Variants in GABRG1 observed in about 807,000 individuals in gnomAD.
GABRG1 encodes the protein gamma-aminobutyric acid receptor subunit gamma-1.
In GABRG1, 49 loss-of-function variants were observed where a neutral mutation model predicts 49.8. The observed-to-expected ratio is 0.98, with a 90% CI of 0.78 to 1.25. The LOEUF (loss-of-function observed/expected upper bound fraction) is 1.25. Among genes scored for constraint, GABRG1 ranks in the 50% most tolerant of loss-of-function variants. GABRG1 has a pLI of 0.00. For synonymous variants in GABRG1, 232 were observed against 185.1 expected (o/e 1.25, Z -2.06); for missense variants, 552 against 552.3 (o/e 1.00, Z 0.01).
intron 2 of GABRG1, among the ~76,000 whole-genome samples, chr4:46,085,761 A>C (rs1719732513): frequency 6.6e-6 from 1 of 151,618 alleles, no homozygotes; most frequent in African/African-American, 2.4e-5. Context: ...AATACTAATG[A>C]GTAATATTAC....
intron 1 of GABRG1, among the ~76,000 whole-genome samples, chr4:46,119,011 T>G (rs2109447662): frequency 6.6e-6 from 1 of 151,476 alleles, no homozygotes; most frequent in East Asian, 1.9e-4. Context: ...AACATGATTA[T>G]ATATAGCATC....
chr4:46,101,278 A>T (rs757590981), intron 1 of GABRG1, among the ~76,000 whole-genome samples: 19 of 151,636 alleles, frequency 1.3e-4, no homozygotes, highest in Admixed American at 6.6e-4. Flanking sequence ...TAATTTGAAG[A>T]CATATTTTCT....
At chr4:46,112,305 A>C (rs1720741890) in intron 1 of GABRG1, among the ~76,000 whole-genome samples, 1 of 151,224 alleles carries the variant, frequency 6.6e-6, no homozygotes, top group African/African-American at 2.4e-5. Flanking sequence ...CACCAATCAG[A>C]ATGACTATTA....
intron 5 of GABRG1, among the ~76,000 whole-genome samples, chr4:46,061,874 AT>A (rs71193840): frequency 1.3e-4 from 18 of 141,570 alleles, no homozygotes; most frequent in Admixed American, 2.8e-4. Context: ...TGTTTATTTT[AT>A]TTTTTTTATT....
intron 5 of GABRG1, among the ~76,000 whole-genome samples, chr4:46,061,544 T>A (rs538530010): frequency 6.6e-6 from 1 of 152,226 alleles, no homozygotes; most frequent in Admixed American, 6.5e-5. Context: ...ATTTTTAAGA[T>A]AATTGTATGT....
At chr4:46,065,268 G>GAA (rs1718863720) in intron 4 of GABRG1, 96 bp downstream of exon 4, 1 of 752,474 alleles carries the variant, frequency 1.3e-6, no homozygotes, top group Non-Finnish European at 2.1e-6. Context: ...CCACATTTTT[G>GAA]GTTTTGCAAC....
chr4:46,113,820 G>A (rs943454824), intron 1 of GABRG1, among the ~76,000 whole-genome samples: 2 of 151,022 alleles, frequency 1.3e-5, no homozygotes, highest in Non-Finnish European at 3.0e-5. Context: ...ATAAATATAT[G>A]TTGTCTCCAC....
At chr4:46,066,267 A>C (rs1006924037) in intron 3 of GABRG1, among the ~76,000 whole-genome samples, 1 of 152,152 alleles carries the variant, frequency 6.6e-6, no homozygotes, top group Non-Finnish European at 1.5e-5. Context: ...AAAACAACCA[A>C]ATTTTTTAAG....
At chr4:46,084,742 A>G (rs184774685) in intron 2 of GABRG1, among the ~76,000 whole-genome samples, 2 of 151,618 alleles carry the variant, frequency 1.3e-5, no homozygotes, top group Non-Finnish European at 3.0e-5. Flanking sequence ...ATGTTTCTAG[A>G]CCTACACAAT....
At chr4:46,073,412 CA>C (rs971460346) in intron 3 of GABRG1, among the ~76,000 whole-genome samples, 2 of 152,008 alleles carry the variant, frequency 1.3e-5, no homozygotes, top group African/African-American at 4.8e-5. Flanking sequence ...CCATATGAGG[CA>C]AAAATTTTTA....
intron 7 of GABRG1, among the ~76,000 whole-genome samples, chr4:46,053,044 C>G (rs1718291461): frequency 6.6e-6 from 1 of 151,660 alleles, no homozygotes; most frequent in South Asian, 2.1e-4. Flanking sequence ...TTTTCAACTC[C>G]TTTGTGCCTC....
At chr4:46,084,998 T>A (rs1265264099) in intron 2 of GABRG1, among the ~76,000 whole-genome samples, 1 of 151,604 alleles carries the variant, frequency 6.6e-6, no homozygotes, top group East Asian at 1.9e-4. Context: ...AGACAATAGA[T>A]TTATTAGTTC....
intron 1 of GABRG1, among the ~76,000 whole-genome samples, chr4:46,122,682 A>T (rs1015422031): frequency 1.4e-4 from 21 of 152,136 alleles, no homozygotes; most frequent in Non-Finnish European, 2.6e-4. Context: ...TGGCAAAAAA[A>T]TTCACTCTAG....
chr4:46,123,291 TTTAGCC>T (rs1721150776), intron 1 of GABRG1, among the ~76,000 whole-genome samples: 1 of 152,138 alleles, frequency 6.6e-6, no homozygotes, highest in South Asian at 2.1e-4. Flanking sequence ...TAGATTTGTT[TTTAGCC>T]AGATTTACAA....
Position 46,123,958 on chromosome 4 carries a change from G to T in GABRG1, c.-45C>A. 6.8e-7 allele frequency: 1 copy of T among 1,472,680 alleles called. No individual in the cohort carries two copies. The highest frequency in any genetic ancestry group is 9.5e-7 in the Non-Finnish European group (1 of 1,054,648). 91.2% of individuals were successfully genotyped at this position (1,472,680 alleles called of 1,614,324 possible). On this transcript the variant is annotated 5_prime_UTR_variant, in exon 1 of 9. In the 5' UTR this introduces an upstream ATG that the reference lacks. Transcript: ENST00000295452. Reference sequence around the variant, plus strand: ...GTGCTGCACTAGCTCAATTCTCCCAGCCAGGACTTTTCCTCCCACCTCAGC... The same window carrying T: ...GTGCTGCACTAGCTCAATTCTCCCATCCAGGACTTTTCCTCCCACCTCAGC...
At chr4:46,082,452 A>G (rs1373060022) in intron 3 of GABRG1, among the ~76,000 whole-genome samples, 1 of 151,762 alleles carries the variant, frequency 6.6e-6, no homozygotes, top group Non-Finnish European at 1.5e-5. Flanking sequence ...GCACCCAGAA[A>G]CCAGCACATG....
In GABRG1 at chr4:46,105,426, G is replaced by A. The variant is rs527565032; in HGVS notation, c.105-8077C>T. Among the ~76,000 whole-genome samples the A allele has an allele frequency of 7.2e-3, 1,094 of 151,580 alleles. 7 individuals are homozygous for A. The highest frequency in any genetic ancestry group is 7.7e-3 in the Non-Finnish European group (519 of 67,656). On this transcript the variant is annotated intron_variant, in intron 1 of 8. Transcript: ENST00000295452. ...TTTTTTTGTAATGTGGTAGAAGACA[G>A]TCCCAGCACTTTGAATAGCCCTATA...
rs749987948 is a variant in GABRG1 at position 46,041,151 on chromosome 4, C to T, written c.1235G>A (p.Cys412Tyr). Residue 412 changes from cysteine to tyrosine, a missense_variant, in exon 9 of 9, where the codon TGT becomes TAT. Physicochemically the swap from Cys to Tyr is radical, Grantham distance 194. Coordinates refer to ENST00000295452, the MANE Select transcript of GABRG1 (RefSeq NM_173536.4). Reference protein sequence around the residue: ...YGYQCLEGKDCASFFCCFEDC... With the variant: ...YGYQCLEGKDYASFFCCFEDC... ...TTCAAAGCAACAGAAGAAGCTGGCA[C>T]AATCTTTGCCCTCCAAACACTGATA... The T allele has an allele frequency of 6.2e-7, 1 of 1,613,152 alleles. No homozygotes were observed. Among genetic ancestry groups the T allele is most frequent in the Admixed American group, 1.7e-5 (1 of 59,852 alleles).
intron 7 of GABRG1, 88 bp from the exon 8 acceptor site, chr4:46,051,726 T>C: frequency 1.3e-6 from 1 of 767,850 alleles, no homozygotes; most frequent in Non-Finnish European, 2.1e-6. Flanking sequence ...TGAGTGAAAT[T>C]AAACAATAGA....
Sources: gnomAD v4.1 joint callset for allele counts (sites outside exome capture counted in the v4.1 genomes callset) on GRCh38, gnomAD v4.1.1 for gene constraint, MANE v1.5 for transcripts, NCBI Gene and HGNC (gene_info 2026-07-23, HGNC 2026-07-21) for gene names.